The following RASSF6 variants were observed in gnomAD, a reference collection of about 807,000 sequenced individuals.
RASSF6 encodes Ras association domain family member 6.
Under a neutral mutation model 44.0 loss-of-function variants are expected in RASSF6, and 52 were observed. The observed-to-expected ratio is 1.18, with a 90% CI of 0.95 to 1.49. The LOEUF (loss-of-function observed/expected upper bound fraction) is 1.49, where lower values mean the gene tolerates loss of function less well. Ranked by LOEUF, RASSF6 falls within the 40% of genes most tolerant of loss-of-function variation. The pLI is 0.00. For synonymous variants in RASSF6, 162 were observed against 124.6 expected (o/e 1.30, Z -2.00); for missense variants, 464 against 393.3 (o/e 1.18, Z -1.52).
rs898472807 is a variant in RASSF6, at chr4:73,573,451, A to G, written c.*2784T>C. On this transcript the variant is annotated 3_prime_UTR_variant, in exon 11 of 11. Coordinates refer to ENST00000307439, the MANE Select transcript of RASSF6 (RefSeq NM_177532.5). ...CCTATTTCCCTCTTTCATCTTTTAA[A>G]ATAATTTTCTGAACATTTAGGCTTT... 2.6e-5 allele frequency: 4 copies of G among 152,144 alleles called. No homozygotes were observed. The highest frequency in any genetic ancestry group is 5.9e-5 in the Non-Finnish European group (4 of 68,022). 9.4% of individuals were successfully genotyped at this position (152,144 alleles called of 1,614,324 possible).
chr4:73,577,854 G>A (rs1723336321), intron 8 of RASSF6, among the ~76,000 whole-genome samples: 1 of 152,130 alleles, frequency 6.6e-6, no homozygotes, highest in Non-Finnish European at 1.5e-5. Context: ...TATTCCTAGA[G>A]TTGTCCCCTG....
Position 73,585,268 on chromosome 4 carries a change from A to C in RASSF6, c.479T>G (p.Val160Gly), listed in dbSNP as rs753603734. 2.5e-6 allele frequency: 4 copies of C among 1,612,368 alleles called. No individual in the cohort carries two copies. The highest frequency in any genetic ancestry group is 2.2e-5 in the East Asian group (1 of 44,836). Residue 160 changes from valine (V) to glycine (G), a missense_variant, in exon 6 of 11, where the codon GTG (valine) becomes GGG (glycine). By Grantham distance (109) the Val-to-Gly change is moderately radical. Coordinates refer to ENST00000307439, the MANE Select transcript of RASSF6 (RefSeq NM_177532.5). The stretch of plus-strand genomic sequence containing the variant: ...CATCAGAGGCTTCATCCTTTTTCTC[A>C]CCAGAGCTGCTTCACTCATGGTTCT... The part of the protein sequence containing the change: ...LYRTMSEAAL[V>G]RKRMKPLMMD...
chr4:73,610,109 A>T (rs549509752), intron 2 of RASSF6, among the ~76,000 whole-genome samples: 64 of 152,294 alleles, frequency 4.2e-4, no homozygotes, highest in South Asian at 1.9e-3. Flanking sequence ...CTCCTCCTGT[A>T]GCTCCTGCTT....
At chr4:73,581,758 CT>C (rs2149366339) in intron 8 of RASSF6, 58 bp downstream of exon 8, 1 of 1,153,018 alleles carries the variant, frequency 8.7e-7, no homozygotes, top group Non-Finnish European at 1.3e-6. Context: ...TGCCTTCCCC[CT>C]GGGCAGCAAA....
In RASSF6 at chr4:73,574,500, G is replaced by C. The variant is rs1723095364; in HGVS notation, c.*1735C>G. 6.6e-6 allele frequency: 1 copy of C among 152,278 alleles called. No individual in the cohort carries two copies. The highest frequency in any genetic ancestry group is 2.1e-4 in the South Asian group (1 of 4,826). The allele number at this position is 152,278 out of a possible 1,614,324, so 9.4% of individuals were successfully genotyped here. A position where few individuals can be genotyped will look rare whatever the true frequency, so the allele number is the denominator to read the frequency against. ...GTGGGCTGCAACCACACCTTCTCCA[G>C]TGAATTCTGAAACCCTCATTCCTGC... is the stretch of plus-strand genomic sequence containing the variant. On this transcript the variant is annotated 3_prime_UTR_variant, in exon 11 of 11. Transcript: ENST00000307439.
intron 1 of RASSF6, chr4:73,616,027 T>G (rs1162484279): frequency 8.4e-7 from 1 of 1,183,432 alleles, no homozygotes; most frequent in Middle Eastern, 2.2e-4. Flanking sequence ...TATCTAAAAG[T>G]GGAAAATTGG....
chr4:73,576,877 T>A, intron 8 of RASSF6, 146 bp from the exon 9 acceptor site: 2 of 616,392 alleles, frequency 3.2e-6, no homozygotes, highest in South Asian at 4.3e-5. Flanking sequence ...AAAAAGCAAA[T>A]TGAAATTAAA....
chr4:73,620,203 A>C, intron 1 of RASSF6, 85 bp downstream of exon 1: 1 of 849,760 alleles, frequency 1.2e-6, no homozygotes, highest in Non-Finnish European at 1.7e-6. Context: ...TTTGTTGCCT[A>C]TGGATTCTGC....
At position 73,582,271 on chromosome 4, in the gene RASSF6, G is replaced by T; in HGVS notation, c.587C>A (p.Ala196Asp). 6.3e-7 allele frequency: 1 copy of T among 1,584,888 alleles called. No individual in the cohort carries two copies. ...YNHETSIFIP[A>D]FESETKVRVN... is the part of the protein sequence containing the mutation. ...TCTGACCTTAGTTTCTGATTCAAAGGCTGGAATGAAAATTGATGTCTAGAA... is the reference window on the plus strand; with the variant it reads ...TCTGACCTTAGTTTCTGATTCAAAGTCTGGAATGAAAATTGATGTCTAGAA... Residue 196 changes from alanine (A) to aspartate (D), a missense_variant, in exon 7 of 11, where the codon GCC (alanine) becomes GAC (aspartate). Physicochemically the swap from Ala to Asp is moderately radical, Grantham distance 126. Coordinates refer to ENST00000307439, the MANE Select transcript of RASSF6 (RefSeq NM_177532.5).
intron 3 of RASSF6, among the ~76,000 whole-genome samples, chr4:73,595,779 ATTAG>A (rs1724899094): frequency 1.3e-5 from 2 of 152,172 alleles, no homozygotes. Context: ...TTATAAAGAG[ATTAG>A]TTATTTAATT....
At chr4:73,595,734 C>A (rs1018825283) in intron 3 of RASSF6, among the ~76,000 whole-genome samples, 4 of 151,970 alleles carry the variant, frequency 2.6e-5, no homozygotes, top group African/African-American at 7.3e-5. Flanking sequence ...AGATACAGGA[C>A]AATGTTGAAA....
chr4:73,588,860 C>A (rs1380695304), intron 4 of RASSF6, among the ~76,000 whole-genome samples: 1 of 151,714 alleles, frequency 6.6e-6, no homozygotes, highest in East Asian at 1.9e-4. Context: ...GGCCAGGAAC[C>A]ATTAGGGACC....
At position 73,574,957 on chromosome 4, in the gene RASSF6, T is replaced by A. The variant is rs1333951542; in HGVS notation, c.*1278A>T. ...TTATTAATATTGACAGGTGAAAGAA[T>A]AGCGATGCAAGCCTCTGGTTTACTC... On this transcript the variant is annotated 3_prime_UTR_variant, in exon 11 of 11. Transcript: ENST00000307439. 3 of 152,196 alleles carry A rather than the reference T, an allele frequency of 2.0e-5. No homozygotes were observed. Among genetic ancestry groups the A allele is most frequent in the Admixed American group, 6.5e-5 (1 of 15,280 alleles). The allele number at this position is 152,196 out of a possible 1,614,324, so 9.4% of individuals were successfully genotyped here. A position where few individuals can be genotyped will look rare whatever the true frequency, so the allele number is the denominator to read the frequency against.
rs10019320 is a variant in RASSF6 at position 73,588,161 on chromosome 4, G to C, written c.288-227C>G. Among the ~76,000 whole-genome samples the C allele has an allele frequency of 1.4e-4, 21 of 151,836 alleles. No individual in the cohort carries two copies. In the South Asian group the frequency reaches 4.1e-3, roughly 30 times the overall value. On this transcript the variant is annotated intron_variant, in intron 4 of 10. Coordinates refer to ENST00000307439, the MANE Select transcript of RASSF6 (RefSeq NM_177532.5). ...CTTTTATAGAGCATATCTTTTTGACGTAATAATTCAGTTACATACTGAAAC... is the reference window on the plus strand; with the variant it reads ...CTTTTATAGAGCATATCTTTTTGACCTAATAATTCAGTTACATACTGAAAC...
At chr4:73,586,957 A>G (rs1472353638) in intron 5 of RASSF6, among the ~76,000 whole-genome samples, 1 of 151,610 alleles carries the variant, frequency 6.6e-6, no homozygotes, top group Non-Finnish European at 1.5e-5. Context: ...TGGTAGGCTT[A>G]TGAAGTTAAT....
At chr4:73,616,637 G>A (rs1726383581) in intron 1 of RASSF6, among the ~76,000 whole-genome samples, 2 of 152,018 alleles carry the variant, frequency 1.3e-5, no homozygotes, top group South Asian at 4.1e-4. Flanking sequence ...TCATAGACAA[G>A]GAATATATGT....
chr4:73,601,076 C>G (rs1413386354), intron 2 of RASSF6, among the ~76,000 whole-genome samples: 1 of 152,210 alleles, frequency 6.6e-6, no homozygotes, highest in Non-Finnish European at 1.5e-5. Context: ...CTTATTCCCT[C>G]AGCTTCTGCT....
rs553348056 is a variant in RASSF6, at chr4:73,575,661, C to G, written c.*574G>C. On this transcript the variant is annotated 3_prime_UTR_variant, in exon 11 of 11. Transcript: ENST00000307439. Reference sequence around the variant, plus strand: ...GAAAATTTCAATTAGGATTTCTTAACAGAGTCCATAATTTTTCCTTTCCAA... The same window carrying G: ...GAAAATTTCAATTAGGATTTCTTAAGAGAGTCCATAATTTTTCCTTTCCAA... 1 of 152,134 alleles carries G rather than the reference C, an allele frequency of 6.6e-6. No homozygotes were observed. Among genetic ancestry groups the G allele is most frequent in the Non-Finnish European group, 1.5e-5 (1 of 67,990 alleles). 9.4% of individuals were successfully genotyped at this position (152,134 alleles called of 1,614,324 possible).
At chr4:73,618,422 G>T (rs1726508279) in intron 1 of RASSF6, among the ~76,000 whole-genome samples, 1 of 151,822 alleles carries the variant, frequency 6.6e-6, no homozygotes, top group Admixed American at 6.6e-5. Context: ...CTCAATTGGG[G>T]CTACTATTCT....
Sources: allele counts gnomAD v4.1 joint callset (sites outside exome capture counted in the v4.1 genomes callset), GRCh38; gene constraint gnomAD v4.1.1; transcripts MANE v1.5; gene names NCBI Gene and HGNC (gene_info 2026-07-23, HGNC 2026-07-21).